Variants in ADGRL2 observed in about 807,000 individuals in gnomAD.
The protein encoded by ADGRL2 is adhesion G protein-coupled receptor L2, also known as calcium-independent alpha-latrotoxin receptor 2.
In ADGRL2, 44 loss-of-function variants were observed where a neutral mutation model predicts 157.4. The observed-to-expected ratio is 0.28, with a 90% CI of 0.22 to 0.36. The LOEUF (loss-of-function observed/expected upper bound fraction) is 0.36. Ranked by LOEUF, ADGRL2 falls within the 10% of genes least tolerant of loss-of-function variation. The probability of loss-of-function intolerance (pLI) is 1.00; values close to 1 mark genes in which losing one functional copy is unlikely to be tolerated. For synonymous variants in ADGRL2, 585 were observed against 624.7 expected (o/e 0.94, Z 0.95); for missense variants, 1,510 against 1,768.9 (o/e 0.85, Z 2.63).
intron 1 of ADGRL2, among the ~76,000 whole-genome samples, chr1:81,714,966 C>A (rs1377386781): frequency 1.3e-5 from 2 of 149,904 alleles, no homozygotes; most frequent in African/African-American, 4.9e-5. Context: ...GTTTCTTTTT[C>A]TTTGATGCAA....
intron 2 of ADGRL2, among the ~76,000 whole-genome samples, chr1:81,856,055 G>A (rs1313055878): frequency 6.6e-6 from 1 of 152,110 alleles, no homozygotes; most frequent in African/African-American, 2.4e-5. Flanking sequence ...ATATTGCCCA[G>A]CTGGTCCTTG....
At chr1:81,383,101 C>T (rs373484058) in intron 1 of ADGRL2, among the ~76,000 whole-genome samples, 11 of 152,146 alleles carry the variant, frequency 7.2e-5, no homozygotes, top group Admixed American at 5.9e-4. Flanking sequence ...ATACACACAT[C>T]GTGTGCTCTT....
intron 2 of ADGRL2, among the ~76,000 whole-genome samples, chr1:81,906,134 A>G (rs1478393333): frequency 6.6e-6 from 1 of 152,112 alleles, no homozygotes; most frequent in African/African-American, 2.4e-5. Context: ...AGTACTCTCC[A>G]TATACTATAA....
At chr1:81,388,602 T>C (rs1325722381) in intron 1 of ADGRL2, among the ~76,000 whole-genome samples, 1 of 152,136 alleles carries the variant, frequency 6.6e-6, no homozygotes, top group Non-Finnish European at 1.5e-5. Flanking sequence ...GATGAGTGAA[T>C]GTCCTTGTAA....
intron 16 of ADGRL2, 117 bp downstream of exon 16, chr1:81,970,651 A>C: frequency 1.4e-6 from 1 of 712,038 alleles, no homozygotes. Flanking sequence ...TATTGGTAAG[A>C]GAATGGGCAT....
chr1:81,723,029 A>G (rs2084388099), intron 1 of ADGRL2: 1 of 770,488 alleles, frequency 1.3e-6, no homozygotes, highest in South Asian at 1.3e-5. Context: ...AAAGGTTATG[A>G]ATCTTATCAG....
At chr1:81,732,194 C>T (rs1177983291) in intron 1 of ADGRL2, among the ~76,000 whole-genome samples, 3 of 152,160 alleles carry the variant, frequency 2.0e-5, no homozygotes, top group Non-Finnish European at 4.4e-5. Flanking sequence ...CTGCTGCCAA[C>T]TATTGTTAAG....
chr1:81,898,223 G>A (rs555396227), intron 2 of ADGRL2, among the ~76,000 whole-genome samples: 12 of 152,244 alleles, frequency 7.9e-5, no homozygotes, highest in South Asian at 2.1e-4. Context: ...TAAATTGTTG[G>A]AACACTTTCT....
intron 1 of ADGRL2, among the ~76,000 whole-genome samples, chr1:81,358,007 A>T (rs1218366915): frequency 6.6e-6 from 1 of 152,250 alleles, no homozygotes; most frequent in Non-Finnish European, 1.5e-5. Context: ...AATTAGCAAA[A>T]GCTGAATAAC....
At chr1:81,944,405 G>T (rs1649087534) in intron 6 of ADGRL2, among the ~76,000 whole-genome samples, 1 of 152,030 alleles carries the variant, frequency 6.6e-6, no homozygotes, top group African/African-American at 2.4e-5. Context: ...CAAGCATTGT[G>T]TGATTTGTAT....
chr1:81,978,377 T>A (rs1245906666), intron 17 of ADGRL2, among the ~76,000 whole-genome samples: 1 of 151,826 alleles, frequency 6.6e-6, no homozygotes, highest in Non-Finnish European at 1.5e-5. Context: ...ATAATGTTTC[T>A]ACAATTGTAT....
At chr1:81,368,729 T>G (rs78920621) in intron 1 of ADGRL2, among the ~76,000 whole-genome samples, 4,230 of 152,284 alleles carry the variant, frequency 0.028, 82 homozygotes, top group Non-Finnish European at 0.041. Flanking sequence ...GCTCACTGAC[T>G]GTCCCACTAC....
intron 3 of ADGRL2, among the ~76,000 whole-genome samples, chr1:81,624,155 C>T (rs1197194368): frequency 6.6e-6 from 1 of 152,164 alleles, no homozygotes; most frequent in East Asian, 1.9e-4. Flanking sequence ...GGATTTCAGA[C>T]TTCTGTTATC....
At chr1:81,448,782 A>T (rs956510172) in intron 2 of ADGRL2, among the ~76,000 whole-genome samples, 7 of 152,330 alleles carry the variant, frequency 4.6e-5, no homozygotes, top group Admixed American at 1.3e-4. Context: ...TCACAAAAAA[A>T]GGCTAAGCTA....
chr1:81,949,867 TAA>T (rs1651177962), intron 6 of ADGRL2, among the ~76,000 whole-genome samples: 1 of 152,228 alleles, frequency 6.6e-6, no homozygotes, highest in South Asian at 2.1e-4. Flanking sequence ...CATTTCCTGT[TAA>T]ACAGTATGTG....
chr1:81,713,609 A>T (rs768312216), intron 1 of ADGRL2, among the ~76,000 whole-genome samples: 7 of 152,206 alleles, frequency 4.6e-5, no homozygotes, highest in Non-Finnish European at 1.0e-4. Flanking sequence ...TTGTAAGTTG[A>T]TCTTATTGTC....
intron 2 of ADGRL2, among the ~76,000 whole-genome samples, chr1:81,544,228 T>G (rs2148344323): frequency 6.6e-6 from 1 of 152,360 alleles, no homozygotes; most frequent in South Asian, 2.1e-4. Context: ...GTACAGATTT[T>G]ATTTTATTCT....
intron 1 of ADGRL2, among the ~76,000 whole-genome samples, chr1:81,364,854 G>A (rs951948710): frequency 7.2e-5 from 11 of 151,944 alleles, no homozygotes; most frequent in African/African-American, 2.7e-4. Flanking sequence ...AGTAGGGATG[G>A]GGTTTTACCA....
chr1:81,753,557 A>C (rs2085562129), intron 1 of ADGRL2, among the ~76,000 whole-genome samples: 1 of 152,224 alleles, frequency 6.6e-6, no homozygotes, highest in African/African-American at 2.4e-5. Flanking sequence ...ATACTATTAA[A>C]GATTTATTTG....
Sources: allele counts gnomAD v4.1 joint callset (sites outside exome capture counted in the v4.1 genomes callset), GRCh38; gene constraint gnomAD v4.1.1; transcripts MANE v1.5; gene names NCBI Gene and HGNC (gene_info 2026-07-23, HGNC 2026-07-21).